Variants in RPL15 observed in about 807,000 individuals in gnomAD.
RPL15 encodes ribosomal protein L15, also known as large ribosomal subunit protein eL15.
For missense variants in RPL15, 161 were observed against 271.8 expected, an observed-to-expected ratio of 0.59 and a Z score of 2.87; for synonymous variants, 97 against 95.1, an observed-to-expected ratio of 1.02 and a Z score of -0.12.
rs1704774599 is a variant in RPL15, at chr3:23,918,112, G to T, written c.172+81G>T. 5 of 1,502,910 alleles carry T rather than the reference G, an allele frequency of 3.3e-6. No homozygotes were observed. The African/African-American group carries it at 5.6e-5, about 17-fold the overall frequency. 93.1% of individuals were successfully genotyped at this position (1,502,910 alleles called of 1,614,324 possible). A position where few individuals can be genotyped will look rare whatever the true frequency, so the allele number is the denominator to read the frequency against. ...AACCAGCTGTTAGGAAGACACTGCT[G>T]CCTCAGTGTCTTTCTTCGCATAGGG... On this transcript the variant is annotated intron_variant, in intron 2 of 3. Coordinates refer to ENST00000307839, the MANE Select transcript of RPL15 (RefSeq NM_002948.5).
At chr3:23,917,804 T>G in intron 1 of RPL15, 46 bp from the exon 2 acceptor site, 1 of 1,530,556 alleles carries the variant, frequency 6.5e-7, no homozygotes, top group Non-Finnish European at 8.8e-7. Context: ...AGTCGTCTTA[T>G]TGTACTTAAA....
chr3:23,918,730 G>T, intron 3 of RPL15, 154 bp downstream of exon 3: 1 of 879,070 alleles, frequency 1.1e-6, no homozygotes, highest in Non-Finnish European at 1.7e-6. Flanking sequence ...GTAATTGCTT[G>T]AAAGACTTGT....
At chr3:23,918,974 T>C (rs997357258) in intron 3 of RPL15, 18 of 583,834 alleles carry the variant, frequency 3.1e-5, no homozygotes, top group Non-Finnish European at 4.2e-5. Flanking sequence ...AGGAATGGAG[T>C]ATTAAGAGGG....
At chr3:23,922,068 C>T (rs77544110), downstream of RPL15, 2,316 of 155,876 alleles carry the variant, frequency 0.015, 21 homozygotes, top group Non-Finnish European at 0.024. This position sits in a 1 kb window ranked among gnomAD's most constrained non-coding sequence, Gnocchi z 4.2. Flanking sequence ...GCAATCCCAA[C>T]ACTTTCGGTA....
At position 23,920,287 on chromosome 3, in the gene RPL15, A is replaced by T. The variant is rs537698656; in HGVS notation, c.*786A>T. ...ATTAGGGGGAAAGTAGTTGGCTATAAGTACGTCATTCTTAGTCCAGTCAGT... is the reference window on the plus strand; with the variant it reads ...ATTAGGGGGAAAGTAGTTGGCTATATGTACGTCATTCTTAGTCCAGTCAGT... On this transcript the variant is annotated 3_prime_UTR_variant, in exon 4 of 4. Transcript: ENST00000307839. 2.0e-6 allele frequency: 2 copies of T among 985,824 alleles called. No homozygotes were observed. The highest frequency in any genetic ancestry group is 3.5e-5 in the African/African-American group (2 of 57,362). The allele number at this position is 985,824 out of a possible 1,614,324, so 61.1% of individuals were successfully genotyped here.
chr3:23,920,811 C>G lies in RPL15; in HGVS notation c.*1310C>G. ...ACATTTTAATTGTGTAGAGGTTGTTCAACTGAAGGAATAAATGTCTATTAA... is the reference window on the plus strand; with the variant it reads ...ACATTTTAATTGTGTAGAGGTTGTTGAACTGAAGGAATAAATGTCTATTAA... On this transcript the variant is annotated 3_prime_UTR_variant, in exon 4 of 4. Coordinates refer to ENST00000307839, the MANE Select transcript of RPL15 (RefSeq NM_002948.5). 3 of 947,616 alleles carry G rather than the reference C, an allele frequency of 3.2e-6. No individual in the cohort carries two copies. The highest frequency in any genetic ancestry group is 3.8e-6 in the Non-Finnish European group (3 of 795,646). The allele number at this position is 947,616 out of a possible 1,614,324, so 58.7% of individuals were successfully genotyped here.
chr3:23,922,342 CAA>C (rs1346199262), downstream of RPL15: 2 of 152,206 alleles, frequency 1.3e-5, no homozygotes, highest in African/African-American at 2.4e-5. This position sits in a 1 kb window ranked among gnomAD's most constrained non-coding sequence, Gnocchi z 4.2. Flanking sequence ...GCAACTTGCT[CAA>C]AGTCATACAG....
intron 3 of RPL15, chr3:23,918,984 G>A: frequency 1.7e-6 from 1 of 590,918 alleles, no homozygotes; most frequent in Non-Finnish European, 3.0e-6. Context: ...TATTAAGAGG[G>A]AATGATGTGT....
rs1368142965 is a variant in RPL15, at chr3:23,918,004, C to T, written c.145C>T (p.Arg49Cys). 10 of 1,610,170 alleles carry T rather than the reference C, an allele frequency of 6.2e-6. No homozygotes were observed. Among genetic ancestry groups the T allele is most frequent in the Non-Finnish European group, 8.5e-6 (10 of 1,178,840 alleles). Reference protein sequence around the residue: ...APRPTRPDKARRLGYKAKQGY... With the variant: ...APRPTRPDKACRLGYKAKQGY... Reference sequence around the variant, plus strand: ...CCGCCCCACCCGGCCTGATAAAGCGCGCCGACTGGGCTACAAGGCCAAGCA... The same window carrying T: ...CCGCCCCACCCGGCCTGATAAAGCGTGCCGACTGGGCTACAAGGCCAAGCA... Residue 49 changes from arginine to cysteine, a missense_variant, in exon 2 of 4, where the codon CGC becomes TGC. Coordinates refer to ENST00000307839, the MANE Select transcript of RPL15 (RefSeq NM_002948.5).
upstream of RPL15, chr3:23,916,687 C>T (rs1307105280): frequency 6.6e-6 from 1 of 152,642 alleles, no homozygotes; most frequent in African/African-American, 2.4e-5. Flanking sequence ...CAGATTTCTG[C>T]GCCCGTCGTG....
In RPL15 at chr3:23,919,692, CTTTT is replaced by C. The variant is rs1190867366; in HGVS notation, c.*194_*197del. On this transcript the variant is annotated 3_prime_UTR_variant, in exon 4 of 4. Coordinates refer to ENST00000307839, the MANE Select transcript of RPL15 (RefSeq NM_002948.5). The stretch of plus-strand genomic sequence containing the variant: ...TGTATCTTGTTTCTAATAAGATAAA[CTTTT>C]TTGTCTTTGCTTTATCTTATTAGGG... The C allele has an allele frequency of 7.2e-7, 1 of 1,385,536 alleles. No individual in the cohort carries two copies. The highest frequency in any genetic ancestry group is 9.3e-7 in the Non-Finnish European group (1 of 1,074,946). The allele number at this position is 1,385,536 out of a possible 1,614,324, so 85.8% of individuals were successfully genotyped here.
chr3:23,918,110 C>T (rs1324834756), intron 2 of RPL15, 79 bp downstream of exon 2: 3 of 1,493,616 alleles, frequency 2.0e-6, no homozygotes, highest in African/African-American at 2.8e-5. Context: ...GAAGACACTG[C>T]TGCCTCAGTG....
At position 23,919,260 on chromosome 3, in the gene RPL15, C is replaced by G; in HGVS notation, c.374C>G (p.Ser125Cys). ...VLNSYWVGEDSTYKFFEVILI... is the reference protein window; with the variant it reads ...VLNSYWVGEDCTYKFFEVILI... ...AATTCTTACTGGGTTGGTGAAGATT[C>G]CACATACAAATTTTTTGAGGTTATC... The change falls in exon 4 of 4, where the codon TCC becomes TGC. Residue 125 changes from serine (S) to cysteine (C), a missense_variant. Transcript: ENST00000307839. The G allele has an allele frequency of 1.2e-6, 2 of 1,612,872 alleles. No individual in the cohort carries two copies. The highest frequency in any genetic ancestry group is 1.1e-5 in the South Asian group (1 of 91,070).
chr3:23,921,472 ACTTTATTAGCTATACC>A, downstream of RPL15: 1 of 627,356 alleles, frequency 1.6e-6, no homozygotes, highest in South Asian at 1.9e-5. Context: ...ATTAAGGGTC[ACTTTATTAGCTATACC>A]CTGACCGCCC....
rs370700905 is a variant in RPL15 at position 23,919,344 on chromosome 3, A to G, written c.458A>G (p.Lys153Arg). ...AATCCTGACACCCAGTGGATCACCA[A>G]ACCAGTCCACAAGCACAGGGAGATG... ...RRNPDTQWITKPVHKHREMRG... is the reference protein window; with the variant it reads ...RRNPDTQWITRPVHKHREMRG... The change falls in exon 4 of 4, where the codon AAA becomes AGA. Residue 153 changes from lysine to arginine, a missense_variant. Transcript: ENST00000307839. 164 of 1,602,738 alleles carry G rather than the reference A, an allele frequency of 1.0e-4. 2 individuals carry two copies. The Middle Eastern group carries it at 1.4e-3, about 14-fold the overall frequency.
chr3:23,920,485 C>T lies in RPL15; in HGVS notation c.*984C>T, dbSNP rs1705016457. 2 of 985,342 alleles carry T rather than the reference C, an allele frequency of 2.0e-6. No homozygotes were observed. The highest frequency in any genetic ancestry group is 3.5e-5 in the African/African-American group (2 of 57,360). The allele number at this position is 985,342 out of a possible 1,614,324, so 61.0% of individuals were successfully genotyped here. On this transcript the variant is annotated 3_prime_UTR_variant, in exon 4 of 4. Coordinates refer to ENST00000307839, the MANE Select transcript of RPL15 (RefSeq NM_002948.5). ...AGTTGGACCATCACTTGTGCACCCACTTTGACTATGAGTATACCACCACAT... is the reference window on the plus strand; with the variant it reads ...AGTTGGACCATCACTTGTGCACCCATTTTGACTATGAGTATACCACCACAT...
rs749541129 is a variant in RPL15 at position 23,919,209 on chromosome 3, G to A, written c.323G>A (p.Arg108His). 1.6e-5 allele frequency: 26 copies of A among 1,613,486 alleles called. No individual in the cohort carries two copies. Among genetic ancestry groups the A allele is most frequent in the Non-Finnish European group, 2.0e-5 (24 of 1,179,614 alleles). The change falls in exon 4 of 4, where the codon CGC (arginine) becomes CAC (histidine). Residue 108 changes from arginine (R) to histidine (H), a missense_variant. Transcript: ENST00000307839. Reference protein sequence around the residue: ...LQSVAEERAGRHCGALRVLNS... With the variant: ...LQSVAEERAGHHCGALRVLNS... Reference sequence around the variant, plus strand: ...TTCCTATTCTAGGAGCGAGCTGGACGCCACTGTGGGGCTCTGAGAGTCCTG... The same window carrying A: ...TTCCTATTCTAGGAGCGAGCTGGACACCACTGTGGGGCTCTGAGAGTCCTG...
Position 23,919,862 on chromosome 3 carries a change from GC to G in RPL15, c.*362del. On this transcript the variant is annotated 3_prime_UTR_variant, in exon 4 of 4. Transcript: ENST00000307839. ...GCAGCTTTATCGGAGTGATGGCAAT[GC>G]TCTGCTGGTTTATTTTCAAGTGGCT... 9.9e-7 allele frequency: 1 copy of G among 1,007,494 alleles called. No individual in the cohort carries two copies. The highest frequency in any genetic ancestry group is 1.2e-6 in the Non-Finnish European group (1 of 844,772). The allele number at this position is 1,007,494 out of a possible 1,614,324, so 62.4% of individuals were successfully genotyped here.
chr3:23,919,035 C>T (rs1704903282), intron 3 of RPL15, 161 bp from the exon 4 acceptor site: 6 of 618,840 alleles, frequency 9.7e-6, no homozygotes, highest in Non-Finnish European at 1.7e-5. Flanking sequence ...TACATTATCT[C>T]ATTACACTTG....
Sources: gnomAD v4.1 joint callset for allele counts on GRCh38, gnomAD v4.1.1 for gene constraint, Gnocchi (gnomAD v3.1) non-coding constraint, MANE v1.5 for transcripts, NCBI Gene and HGNC (gene_info 2026-07-23, HGNC 2026-07-21) for gene names.